GRB14: variants seen among roughly 807,000 people sequenced by gnomAD.
GRB14 encodes growth factor receptor bound protein 14, also known as growth factor receptor-bound protein 14.
In GRB14, 38 loss-of-function variants were observed where a neutral mutation model predicts 69.1. The ratio of observed to expected loss-of-function variants is 0.55; its 90% CI spans 0.42 to 0.72. The LOEUF (loss-of-function observed/expected upper bound fraction) is 0.72. Ranked by LOEUF, GRB14 falls within the 30% of genes least tolerant of loss-of-function variation. The probability of loss-of-function intolerance (pLI) is 0.00; values close to 1 mark genes in which losing one functional copy is unlikely to be tolerated. For synonymous variants in GRB14, 247 were observed against 241.3 expected (o/e 1.02, Z -0.22); for missense variants, 666 against 666.1 (o/e 1.00, Z 0.00).
intron 2 of GRB14, among the ~76,000 whole-genome samples, chr2:164,552,705 T>C (rs1688575039): frequency 6.6e-6 from 1 of 152,198 alleles, no homozygotes; most frequent in African/African-American, 2.4e-5. Context: ...TGTCATGCCC[T>C]ATGATGTCAA....
Position 164,522,050 on chromosome 2 carries a change from T to C in GRB14, c.746A>G (p.Lys249Arg), listed in dbSNP as rs781074587. The stretch of plus-strand genomic sequence containing the variant: ...AAAAAAGTAAATTTTTTTCCAAGAC[T>C]TCTTTCCCTGTTCTTTCGCATGTAA... ...GFLHAKEQGK[K>R]SWKKIYFFLR... is the part of the protein sequence containing the mutation. The change falls in exon 6 of 14, where the codon AAG (lysine) becomes AGG (arginine). Residue 249 changes from lysine to arginine, a missense_variant. Transcript: ENST00000263915. 6.2e-7 allele frequency: 1 copy of C among 1,603,204 alleles called. No individual in the cohort carries two copies. Among genetic ancestry groups the C allele is most frequent in the Admixed American group, 1.7e-5 (1 of 59,554 alleles).
intron 3 of GRB14, 33 bp downstream of exon 3, chr2:164,547,627 C>T (rs762981078): frequency 4.2e-5 from 65 of 1,555,418 alleles, no homozygotes; most frequent in Non-Finnish European, 5.5e-5. Context: ...AATAGAAAAG[C>T]AATGATGTGA....
chr2:164,577,417 T>C (rs1386045542), intron 2 of GRB14, among the ~76,000 whole-genome samples: 2 of 152,202 alleles, frequency 1.3e-5, no homozygotes, highest in Non-Finnish European at 2.9e-5. Flanking sequence ...CCCCTTGCTG[T>C]TCTTGTGATA....
intron 3 of GRB14, among the ~76,000 whole-genome samples, chr2:164,534,980 T>C (rs1688043559): frequency 6.6e-6 from 1 of 152,212 alleles, no homozygotes; most frequent in South Asian, 2.1e-4. Context: ...TAAAACTTTC[T>C]GACGTTATTT....
intron 2 of GRB14, among the ~76,000 whole-genome samples, chr2:164,565,669 T>C (rs1228363329): frequency 2.0e-5 from 3 of 152,234 alleles, no homozygotes; most frequent in Non-Finnish European, 2.9e-5. Flanking sequence ...TCATTCACAA[T>C]GTTTGCTGAG....
chr2:164,614,893 G>A (rs866029624), intron 2 of GRB14, among the ~76,000 whole-genome samples: 2 of 152,214 alleles, frequency 1.3e-5, no homozygotes, highest in South Asian at 4.1e-4. Context: ...TGGGGACAGA[G>A]ATCTGCTTAT....
intron 2 of GRB14, among the ~76,000 whole-genome samples, chr2:164,599,358 C>G (rs1689862172): frequency 6.6e-6 from 1 of 152,186 alleles, no homozygotes; most frequent in South Asian, 2.1e-4. Flanking sequence ...CATAGATTTC[C>G]TCTCTCAATG....
intron 3 of GRB14, among the ~76,000 whole-genome samples, chr2:164,543,117 A>G (rs530811500): frequency 6.6e-6 from 1 of 152,012 alleles, no homozygotes; most frequent in Admixed American, 6.5e-5. Flanking sequence ...ACATGGTGAA[A>G]CCCCATCTCT....
At chr2:164,608,826 C>T (rs1690100902) in intron 2 of GRB14, among the ~76,000 whole-genome samples, 1 of 152,026 alleles carries the variant, frequency 6.6e-6, no homozygotes, top group African/African-American at 2.4e-5. Flanking sequence ...GCAAACGGTA[C>T]ATGCACATTA....
intron 6 of GRB14, among the ~76,000 whole-genome samples, chr2:164,513,822 A>G (rs889206008): frequency 6.6e-6 from 1 of 152,222 alleles, no homozygotes; most frequent in South Asian, 2.1e-4. Context: ...ATTGACAACT[A>G]TAGATGCATG....
At chr2:164,526,922 G>A (rs1430148712) in intron 4 of GRB14, 92 bp downstream of exon 4, 4 of 807,948 alleles carry the variant, frequency 5.0e-6, no homozygotes, top group Non-Finnish European at 7.5e-6. Flanking sequence ...TTACCGAATA[G>A]GACTGTATTT....
At chr2:164,568,253 G>A in intron 2 of GRB14, 1 of 1,048,598 alleles carries the variant, frequency 9.5e-7, no homozygotes, top group East Asian at 5.9e-5. Flanking sequence ...TAAACACACA[G>A]TAACAGGGGA....
chr2:164,613,208 A>C (rs1164578830), intron 2 of GRB14, among the ~76,000 whole-genome samples: 1 of 152,180 alleles, frequency 6.6e-6, no homozygotes, highest in African/African-American at 2.4e-5. Context: ...CAAATAAACC[A>C]ATTGGTGGAT....
At chr2:164,572,002 C>G (rs1689135136) in intron 2 of GRB14, among the ~76,000 whole-genome samples, 1 of 152,144 alleles carries the variant, frequency 6.6e-6, no homozygotes, top group Non-Finnish European at 1.5e-5. Flanking sequence ...GTATTGAAGA[C>G]CTTACTATGT....
intron 8 of GRB14, among the ~76,000 whole-genome samples, chr2:164,504,231 G>A (rs1465786657): frequency 6.6e-6 from 1 of 151,920 alleles, no homozygotes; most frequent in African/African-American, 2.4e-5. Flanking sequence ...TTCTTGGTGG[G>A]AGGCTGTTTC....
At chr2:164,494,350 C>T in intron 13 of GRB14, 81 bp downstream of exon 13, 1 of 759,608 alleles carries the variant, frequency 1.3e-6, no homozygotes, top group Non-Finnish European at 2.2e-6. Context: ...CCAAAGTTTC[C>T]AAAAGCTTAT....
chr2:164,525,303 GTGGA>G (rs1327965764), intron 4 of GRB14, among the ~76,000 whole-genome samples: 1 of 152,114 alleles, frequency 6.6e-6, no homozygotes, highest in Non-Finnish European at 1.5e-5. Flanking sequence ...TAATGCTGAT[GTGGA>G]TGGATTCAAG....
chr2:164,533,634 A>G (rs1029812100), intron 3 of GRB14, among the ~76,000 whole-genome samples: 11 of 152,226 alleles, frequency 7.2e-5, no homozygotes, highest in African/African-American at 2.4e-4. Flanking sequence ...AATTATGTCA[A>G]TCTTCAAAGT....
intron 6 of GRB14, among the ~76,000 whole-genome samples, chr2:164,515,468 C>A (rs765503387): frequency 6.6e-6 from 1 of 152,150 alleles, no homozygotes; most frequent in Non-Finnish European, 1.5e-5. Context: ...AAATAACACT[C>A]ACTGCAGTTT....
Sources: gnomAD v4.1 joint callset for allele counts (sites outside exome capture counted in the v4.1 genomes callset) on GRCh38, gnomAD v4.1.1 for gene constraint, MANE v1.5 for transcripts, NCBI Gene and HGNC (gene_info 2026-07-23, HGNC 2026-07-21) for gene names.